CCR5AS: variants seen among roughly 807,000 people sequenced by gnomAD.
The protein encoded by CCR5AS is CCR5 antisense RNA.
chr3:46,382,285 C>T (rs1165874195), intron 2 of CCR5AS, among the ~76,000 whole-genome samples: 4 of 152,210 alleles, frequency 2.6e-5, no homozygotes, highest in African/African-American at 7.2e-5. Context: ...AGCTTCTTCC[C>T]GTGCTATGTA....
At chr3:46,393,228 A>G (rs1199247446) in intron 1 of CCR5AS, among the ~76,000 whole-genome samples, 3 of 152,144 alleles carry the variant, frequency 2.0e-5, no homozygotes, top group Non-Finnish European at 4.4e-5. Context: ...CACAAGGTCA[A>G]TTGATCAGTT....
rs184639619 is a variant in CCR5AS, at chr3:46,385,322, G to C, written n.391+7503C>G. 1.7e-3 allele frequency among the ~76,000 whole-genome samples: 263 copies of C among 152,320 alleles called. 1 individual carries two copies. Among genetic ancestry groups the C allele is most frequent in the Middle Eastern group, 3.4e-3 (1 of 294 alleles). ...TAATAAGGGTGGTCACAGGAGAATG[G>C]AAGATTCCAGGCAGCAGTTTGACTA... On this transcript the variant is annotated intron_variant and non_coding_transcript_variant, in intron 2 of 3. Coordinates refer to ENST00000451485, the Ensembl canonical transcript of CCR5AS.
chr3:46,402,793 A>T (rs1410065933), intron 1 of CCR5AS, among the ~76,000 whole-genome samples: 2 of 152,204 alleles, frequency 1.3e-5, no homozygotes, highest in African/African-American at 2.4e-5. Flanking sequence ...TTACGTAGGT[A>T]ACCTTTTGTC....
intron 1 of CCR5AS, among the ~76,000 whole-genome samples, chr3:46,405,004 G>A (rs1268002220): frequency 1.3e-5 from 2 of 152,234 alleles, no homozygotes; most frequent in African/African-American, 4.8e-5. Flanking sequence ...AAGCTTTGTG[G>A]ACCACTTGCC....
chr3:46,403,835 G>A (rs189598716), intron 1 of CCR5AS, among the ~76,000 whole-genome samples: 67 of 152,286 alleles, frequency 4.4e-4, no homozygotes, highest in African/African-American at 1.5e-3. Flanking sequence ...TCGTGGTGTC[G>A]GCAAAATTCA....
intron 2 of CCR5AS, chr3:46,371,518 TC>T (rs1046500095): frequency 2.0e-5 from 3 of 152,222 alleles, no homozygotes; most frequent in African/African-American, 7.2e-5. Context: ...TCTTTATGGT[TC>T]AAAATTAAAA....
At chr3:46,396,048 C>T (rs1373538038) in intron 1 of CCR5AS, among the ~76,000 whole-genome samples, 1 of 152,200 alleles carries the variant, frequency 6.6e-6, no homozygotes, top group African/African-American at 2.4e-5. Flanking sequence ...CAGTCCCCAG[C>T]TTAGGGGCCT....
intron 3 of CCR5AS, among the ~76,000 whole-genome samples, chr3:46,368,168 G>A (rs2106736338): frequency 6.6e-6 from 1 of 152,304 alleles, no homozygotes; most frequent in South Asian, 2.1e-4. Context: ...TGGGGCAGCT[G>A]TTTAAAGACA....
chr3:46,394,257 C>T (rs1467004911), intron 1 of CCR5AS, among the ~76,000 whole-genome samples: 5 of 152,204 alleles, frequency 3.3e-5, no homozygotes, highest in Admixed American at 2.6e-4. Context: ...CCATCCAGAA[C>T]ATCAACAGGG....
intron 2 of CCR5AS, chr3:46,373,469 C>G (rs1327834789): frequency 7.6e-7 from 1 of 1,316,356 alleles, no homozygotes; most frequent in Non-Finnish European, 1.1e-6. Context: ...AGTATCAATT[C>G]TGGAAGAATT....
intron 1 of CCR5AS, among the ~76,000 whole-genome samples, chr3:46,405,212 T>A (rs1702034042): frequency 6.6e-6 from 1 of 152,126 alleles, no homozygotes; most frequent in African/African-American, 2.4e-5. Flanking sequence ...AAAAATAAAA[T>A]AATACTGAAA....
Position 46,372,945 on chromosome 3 carries a change from T to C in CCR5AS, n.392-1528A>G, listed in dbSNP as rs200209014. 16 of 1,609,090 alleles carry C rather than the reference T, an allele frequency of 9.9e-6. No homozygotes were observed. The East Asian group carries it at 3.1e-4, about 31-fold the overall frequency. ...AAGTCCAATCTATGACATCAATTAT[T>C]ATACATCGGAGCCCTGCCAAAAAAT... On this transcript the variant is annotated intron_variant and non_coding_transcript_variant, in intron 2 of 3. Coordinates refer to ENST00000451485, the Ensembl canonical transcript of CCR5AS.
intron 2 of CCR5AS, among the ~76,000 whole-genome samples, chr3:46,372,193 T>C (rs1701671414): frequency 6.6e-6 from 1 of 152,182 alleles, no homozygotes; most frequent in Non-Finnish European, 1.5e-5. Context: ...TTGCTCATAG[T>C]GCATGTTCTT....
chr3:46,392,355 C>T (rs1436097433), intron 2 of CCR5AS, among the ~76,000 whole-genome samples: 1 of 152,040 alleles, frequency 6.6e-6, no homozygotes, highest in Non-Finnish European at 1.5e-5. Flanking sequence ...AGGTGTTAGT[C>T]AAAGGTGTTT....
chr3:46,386,854 A>G (rs1701867114), intron 2 of CCR5AS, among the ~76,000 whole-genome samples: 1 of 152,040 alleles, frequency 6.6e-6, no homozygotes, highest in South Asian at 2.1e-4. Flanking sequence ...TGATGTTTAG[A>G]CTCTTTTTAA....
chr3:46,403,289 C>A (rs1702018263), intron 1 of CCR5AS, among the ~76,000 whole-genome samples: 1 of 152,144 alleles, frequency 6.6e-6, no homozygotes, highest in Non-Finnish European at 1.5e-5. Flanking sequence ...GCTCTTTGAT[C>A]TAATACCTAT....
intron 1 of CCR5AS, among the ~76,000 whole-genome samples, chr3:46,406,524 C>T (rs1400787606): frequency 2.6e-5 from 4 of 152,096 alleles, no homozygotes; most frequent in African/African-American, 7.2e-5. Flanking sequence ...CTCAAACCTA[C>T]CCTAGCCCCC....
intron 2 of CCR5AS, among the ~76,000 whole-genome samples, chr3:46,383,976 G>A (rs1701835984): frequency 6.6e-6 from 1 of 152,214 alleles, no homozygotes; most frequent in Admixed American, 6.5e-5. Flanking sequence ...ATCATTGTCT[G>A]GGGTGAATAC....
chr3:46,388,841 G>T (rs1041047145), intron 2 of CCR5AS, among the ~76,000 whole-genome samples: 1 of 152,210 alleles, frequency 6.6e-6, no homozygotes, highest in African/African-American at 2.4e-5. Context: ...TAAAAGTAAA[G>T]AATAGAACTT....
Sources: gnomAD v4.1 joint callset for allele counts (sites outside exome capture counted in the v4.1 genomes callset) on GRCh38, gnomAD v4.1.1 for gene constraint, MANE v1.5 for transcripts, NCBI Gene and HGNC (gene_info 2026-07-23, HGNC 2026-07-21) for gene names.